Variants in TNIP1 observed in about 807,000 individuals in gnomAD.
TNIP1 encodes TNFAIP3 interacting protein 1.
TNIP1 carries 22 observed loss-of-function variants against 86.6 expected under a neutral mutation model. That is an observed-to-expected ratio of 0.25 (90% CI 0.18 to 0.36). The LOEUF is 0.36. Among genes scored for constraint, TNIP1 ranks in the 10% least tolerant of loss-of-function variants. The pLI is 1.00. For synonymous variants in TNIP1, 294 were observed against 313.0 expected (o/e 0.94, Z 0.64); for missense variants, 709 against 820.6 (o/e 0.86, Z 1.66).
At chr5:151,052,097 T>C in intron 7 of TNIP1, 68 bp downstream of exon 7, 1 of 1,442,136 alleles carries the variant, frequency 6.9e-7, no homozygotes, top group Non-Finnish European at 9.7e-7. Context: ...CAGAAATCAG[T>C]GCTGCACACC....
intron 5 of TNIP1, among the ~76,000 whole-genome samples, chr5:151,059,808 AG>A (rs1761182745): frequency 1.8e-5 from 2 of 113,470 alleles, no homozygotes; most frequent in Non-Finnish European, 3.4e-5. Flanking sequence ...AGAGAGAGAG[AG>A]AGAGAGAGAG....
chr5:151,042,423 C>G, intron 11 of TNIP1, 117 bp downstream of exon 11: 1 of 1,419,618 alleles, frequency 7.0e-7, no homozygotes. Flanking sequence ...GGTCACCTAG[C>G]TCTTTCGCAC....
At chr5:151,059,812 AGAGAGAGAGAGAGAGAGT>A (rs1217184552) in intron 5 of TNIP1, among the ~76,000 whole-genome samples, 8 of 115,828 alleles carry the variant, frequency 6.9e-5, no homozygotes, top group African/African-American at 2.9e-4. Flanking sequence ...AGAGAGAGAG[AGAGAGAGAGAGAGAGAGT>A]GTGTGTGTGT....
intron 15 of TNIP1, chr5:151,034,794 G>A (rs1757485476): frequency 3.4e-6 from 2 of 594,786 alleles, no homozygotes; most frequent in South Asian, 1.9e-5. Context: ...GTTGCTACCT[G>A]GACACAGAAT....
At chr5:151,034,289 T>G (rs1244592608) in intron 15 of TNIP1, among the ~76,000 whole-genome samples, 16 of 100,040 alleles carry the variant, frequency 1.6e-4, no homozygotes, top group Non-Finnish European at 2.0e-4. Flanking sequence ...ACATGGGCAG[T>G]GAAGGCTGGT....
Position 151,045,861 on chromosome 5 carries a change from C to T in TNIP1, c.936G>A (p.Glu312=). 1 of 1,613,964 alleles carries T rather than the reference C, an allele frequency of 6.2e-7. No homozygotes were observed. Among genetic ancestry groups the T allele is most frequent in the Non-Finnish European group, 8.5e-7 (1 of 1,180,028 alleles). Residue 312 remains glutamate (E), a splice_region_variant and synonymous_variant, in exon 9 of 18, where the codon GAG becomes GAA. Transcript: ENST00000521591. ...CACTACTGCCACCTCGGCCACCTACCTCACTGCGCTGCTGCTCCAGCATCT... is the reference window on the plus strand; with the variant it reads ...CACTACTGCCACCTCGGCCACCTACTTCACTGCGCTGCTGCTCCAGCATCT... ...KVKMLEQQRS[E]LLEVNKQWDQ...
At chr5:151,057,596 A>C (rs550809685) in intron 5 of TNIP1, among the ~76,000 whole-genome samples, 39 of 152,322 alleles carry the variant, frequency 2.6e-4, no homozygotes, top group African/African-American at 9.1e-4. Context: ...ACGTGCCTGT[A>C]ATCCCAGCTA....
intron 1 of TNIP1, among the ~76,000 whole-genome samples, chr5:151,077,195 C>T (rs1173432263): frequency 6.6e-6 from 1 of 152,162 alleles, no homozygotes; most frequent in East Asian, 1.9e-4. Flanking sequence ...GCCAAACTGG[C>T]CCCTTTTATA....
At chr5:151,053,591 G>C (rs1010592619) in intron 6 of TNIP1, among the ~76,000 whole-genome samples, 13 of 152,326 alleles carry the variant, frequency 8.5e-5, no homozygotes, top group African/African-American at 2.6e-4. Context: ...TCACAGGCTG[G>C]GGGGAAGGGA....
chr5:151,069,835 G>C (rs891080990), intron 1 of TNIP1, among the ~76,000 whole-genome samples: 1 of 152,160 alleles, frequency 6.6e-6, no homozygotes, highest in African/African-American at 2.4e-5. Flanking sequence ...GAGGAGCATG[G>C]GCCACACAGA....
At chr5:151,044,690 C>T (rs1373364202) in intron 9 of TNIP1, among the ~76,000 whole-genome samples, 9 of 152,080 alleles carry the variant, frequency 5.9e-5, no homozygotes, top group South Asian at 2.1e-4. Flanking sequence ...AGGGGCTAGA[C>T]GGAACAGACA....
intron 7 of TNIP1, among the ~76,000 whole-genome samples, chr5:151,050,526 T>C (rs916890268): frequency 3.3e-5 from 5 of 152,264 alleles, no homozygotes; most frequent in African/African-American, 1.2e-4. Flanking sequence ...TTTATAATTT[T>C]AAGTAAAAAG....
At chr5:151,041,759 C>G (rs1758444587) in intron 11 of TNIP1, among the ~76,000 whole-genome samples, 1 of 152,142 alleles carries the variant, frequency 6.6e-6, no homozygotes, top group South Asian at 2.1e-4. Context: ...TTGAGCTGTT[C>G]CTGTGGACTC....
intron 3 of TNIP1, 99 bp from the exon 4 acceptor site, chr5:151,062,311 G>C: frequency 2.7e-6 from 3 of 1,104,086 alleles, no homozygotes; most frequent in Non-Finnish European, 4.1e-6. Context: ...TTCTCAGACA[G>C]GATTCCCCAC....
At chr5:151,044,983 T>C (rs552025129) in intron 9 of TNIP1, among the ~76,000 whole-genome samples, 17 of 152,360 alleles carry the variant, frequency 1.1e-4, no homozygotes, top group Admixed American at 1.0e-3. Flanking sequence ...CCACTCAGTA[T>C]TCTGTGGCAG....
intron 4 of TNIP1, among the ~76,000 whole-genome samples, chr5:151,060,678 A>G (rs1761447474): frequency 6.6e-6 from 1 of 152,168 alleles, no homozygotes; most frequent in Non-Finnish European, 1.5e-5. Context: ...GTAGGATTGC[A>G]TTTTTTAAGG....
chr5:151,039,126 G>C lies in TNIP1; in HGVS notation c.1234C>G (p.Gln412Glu). Residue 412 changes from glutamine to glutamate, a missense_variant, in exon 12 of 18, where the codon CAG becomes GAG. Physicochemically the swap from Gln to Glu is conservative, Grantham distance 29. Transcript: ENST00000521591. ...TTGAGCCGCTGGATCTCCTTTTCCT[G>C]GTACTCACGCTGTCGGGTGAGTGGG... Reference protein sequence around the residue: ...LSPLTRQREYQEKEIQRLNKA... With the variant: ...LSPLTRQREYEEKEIQRLNKA... The C allele has an allele frequency of 1.2e-6, 2 of 1,613,964 alleles. No homozygotes were observed. Among genetic ancestry groups the C allele is most frequent in the Non-Finnish European group, 1.7e-6 (2 of 1,179,944 alleles).
In TNIP1 at chr5:151,052,152, G is replaced by C. The variant is rs766235292; in HGVS notation, c.722+13C>G. On this transcript the variant is annotated intron_variant, in intron 7 of 17. Coordinates refer to ENST00000521591, the MANE Select transcript of TNIP1 (RefSeq NM_006058.5). Reference sequence around the variant, plus strand: ...CCCACTCCTCACCCCTTCTCTGAGGGGCCTGAACTTACCGCAGCCTCTCGG... The same window carrying C: ...CCCACTCCTCACCCCTTCTCTGAGGCGCCTGAACTTACCGCAGCCTCTCGG... 1 of 1,613,002 alleles carries C rather than the reference G, an allele frequency of 6.2e-7. No homozygotes were observed. The highest frequency in any genetic ancestry group is 8.5e-7 in the Non-Finnish European group (1 of 1,179,426).
intron 5 of TNIP1, among the ~76,000 whole-genome samples, chr5:151,057,245 C>T (rs2113623603): frequency 6.6e-6 from 1 of 152,346 alleles, no homozygotes; most frequent in South Asian, 2.1e-4. Context: ...TGCTGGACCT[C>T]AGCATCCTCA....
Sources: allele counts gnomAD v4.1 joint callset (sites outside exome capture counted in the v4.1 genomes callset), GRCh38; gene constraint gnomAD v4.1.1; transcripts MANE v1.5; gene names NCBI Gene and HGNC (gene_info 2026-07-23, HGNC 2026-07-21).